Variants in PCDHGB7 observed in about 807,000 individuals in gnomAD.
PCDHGB7 encodes the protein protocadherin gamma-B7.
PCDHGB7 carries 37 observed loss-of-function variants against 61.4 expected under a neutral mutation model. The observed-to-expected ratio is 0.60, with a 90% CI of 0.46 to 0.79. PCDHGB7 has a LOEUF of 0.79. Among genes scored for constraint, PCDHGB7 ranks in the 30% least tolerant of loss-of-function variants. The probability of loss-of-function intolerance (pLI) is 0.00; values close to 1 mark genes in which losing one functional copy is unlikely to be tolerated. For synonymous variants in PCDHGB7, 464 were observed against 503.5 expected (o/e 0.92, Z 1.05); for missense variants, 1,166 against 1,202.5 (o/e 0.97, Z 0.45).
Position 141,487,568 on chromosome 5 carries a change from C to G in PCDHGB7, c.2416-7239C>G, listed in dbSNP as rs752378906. The G allele has an allele frequency of 1.9e-6, 3 of 1,614,180 alleles. No homozygotes were observed. Among genetic ancestry groups the G allele is most frequent in the Non-Finnish European group, 2.5e-6 (3 of 1,180,042 alleles). ...ACCCAGTGCACCTATGGCAGGGGAG[C>G]CTGTTCGCCCAAGCTGCCCACCCTC... On this transcript the variant is annotated intron_variant, in intron 1 of 3. Transcript: ENST00000398594. This position sits in a 1 kb window ranked among gnomAD's most constrained non-coding sequence, Gnocchi z 5.0.
At chr5:141,497,956 C>T (rs2099780659) in intron 2 of PCDHGB7, among the ~76,000 whole-genome samples, 1 of 152,214 alleles carries the variant, frequency 6.6e-6, no homozygotes, top group African/African-American at 2.4e-5. Flanking sequence ...TTCTGTTGGC[C>T]AGGCAGTGTT....
intron 2 of PCDHGB7, among the ~76,000 whole-genome samples, chr5:141,495,758 C>T (rs2099763543): frequency 6.6e-6 from 1 of 152,122 alleles, no homozygotes; most frequent in Non-Finnish European, 1.5e-5. Flanking sequence ...ATCTCTGCCT[C>T]CCTGTCCTTG....
rs375127524 is a variant in PCDHGB7, at chr5:141,490,702, C to G, written c.2416-4105C>G. ...AGATCCAGACACTGGGGATAATGCCCGCCTCACCTACTCCATTGTAGGAAA... is the reference window on the plus strand; with the variant it reads ...AGATCCAGACACTGGGGATAATGCCGGCCTCACCTACTCCATTGTAGGAAA... On this transcript the variant is annotated intron_variant, in intron 1 of 3. Coordinates refer to ENST00000398594, the MANE Select transcript of PCDHGB7 (RefSeq NM_018927.4). This position sits in a 1 kb window ranked among gnomAD's most constrained non-coding sequence, Gnocchi z 5.4. The G allele has an allele frequency of 1.2e-6, 2 of 1,614,060 alleles. No homozygotes were observed. Among genetic ancestry groups the G allele is most frequent in the Admixed American group, 1.7e-5 (1 of 60,008 alleles).
intron 1 of PCDHGB7, chr5:141,422,771 T>C (rs2096671394): frequency 6.2e-7 from 1 of 1,613,954 alleles, no homozygotes; most frequent in Non-Finnish European, 8.5e-7. Flanking sequence ...ACTGGTGTTC[T>C]CTATGCCCTA....
chr5:141,480,122 C>T (rs576224922), intron 1 of PCDHGB7, among the ~76,000 whole-genome samples: 1 of 151,948 alleles, frequency 6.6e-6, no homozygotes, highest in African/African-American at 2.4e-5. Flanking sequence ...CCTGGCATAT[C>T]ATAACTGTTA....
chr5:141,489,579 C>G lies in PCDHGB7; in HGVS notation c.2416-5228C>G, dbSNP rs112808093. 3.7e-6 allele frequency: 6 copies of G among 1,613,922 alleles called. No individual in the cohort carries two copies. The Admixed American group carries it at 5.0e-5, about 13-fold the overall frequency. On this transcript the variant is annotated intron_variant, in intron 1 of 3. Transcript: ENST00000398594. This position sits in a 1 kb window ranked among gnomAD's most constrained non-coding sequence, Gnocchi z 4.5. ...CAGTGCAGGTGGTGACTGAACACCC[C>G]CTGGAGCTAATCCGTGTAGAGGTAG... is the stretch of plus-strand genomic sequence containing the variant.
chr5:141,439,013 A>T lies in PCDHGB7; in HGVS notation c.2415+18739A>T, dbSNP rs2098082221. 1.3e-5 allele frequency among the ~76,000 whole-genome samples: 2 copies of T among 151,700 alleles called. 1 individual carries two copies. The highest frequency in any genetic ancestry group is 1.3e-4 in the Admixed American group (2 of 15,214). On this transcript the variant is annotated intron_variant, in intron 1 of 3. Transcript: ENST00000398594. ...GGCTAAGGACCTGGTTTGTTTGTCA[A>T]ATTTTGAAAATAGATGCCTCAGTTC...
chr5:141,474,417 C>A (rs1321402346), intron 1 of PCDHGB7, among the ~76,000 whole-genome samples: 1 of 152,222 alleles, frequency 6.6e-6, no homozygotes, highest in African/African-American at 2.4e-5. Context: ...GATGCCTAGA[C>A]CATTGGTCCT....
intron 1 of PCDHGB7, among the ~76,000 whole-genome samples, chr5:141,456,736 G>A (rs1339661302): frequency 1.3e-5 from 2 of 151,924 alleles, no homozygotes; most frequent in Non-Finnish European, 2.9e-5. Context: ...AGGCTGAGGC[G>A]GGAGCATCAT....
intron 1 of PCDHGB7, among the ~76,000 whole-genome samples, chr5:141,448,706 C>T (rs1344013319): frequency 1.3e-5 from 2 of 151,730 alleles, no homozygotes; most frequent in African/African-American, 2.4e-5. Flanking sequence ...TTTGGGAGGC[C>T]GAGGCGGGAG....
intron 1 of PCDHGB7, among the ~76,000 whole-genome samples, chr5:141,454,932 C>T (rs945154196): frequency 1.3e-5 from 2 of 150,768 alleles, no homozygotes; most frequent in African/African-American, 2.4e-5. Context: ...CTCAGCCTCC[C>T]GAGTAGCTGG....
chr5:141,426,848 C>A (rs1379697529), intron 1 of PCDHGB7: 1 of 456,670 alleles, frequency 2.2e-6, no homozygotes, highest in Non-Finnish European at 4.4e-6. Context: ...AAGGCAAGAA[C>A]GCTCCAGAAT....
intron 1 of PCDHGB7, chr5:141,421,587 G>A: frequency 1.2e-6 from 2 of 1,613,900 alleles, no homozygotes; most frequent in South Asian, 1.1e-5. Context: ...TTTACGGAGT[G>A]GAGGTGGAAA....
intron 1 of PCDHGB7, among the ~76,000 whole-genome samples, chr5:141,492,745 C>G (rs2099743569): frequency 6.6e-6 from 1 of 152,262 alleles, no homozygotes; most frequent in Non-Finnish European, 1.5e-5. Flanking sequence ...GTGGCCGAGG[C>G]GCGGCAGGGC....
chr5:141,429,204 A>ACACACACG, intron 1 of PCDHGB7: 1 of 150,162 alleles, frequency 6.7e-6, no homozygotes, highest in Non-Finnish European at 1.5e-5. Context: ...ACACACACAC[A>ACACACACG]CGTGTGAAAA....
At chr5:141,445,109 T>C (rs571834974) in intron 1 of PCDHGB7, among the ~76,000 whole-genome samples, 23 of 152,246 alleles carry the variant, frequency 1.5e-4, no homozygotes, top group Non-Finnish European at 2.8e-4. Flanking sequence ...TCTAATGTTA[T>C]TGTAAATAGT....
chr5:141,456,984 C>G (rs374156327), intron 1 of PCDHGB7, among the ~76,000 whole-genome samples: 1 of 152,200 alleles, frequency 6.6e-6, no homozygotes, highest in East Asian at 1.9e-4. Flanking sequence ...AACAAACAAA[C>G]AAACAAAAAC....
At chr5:141,423,471 G>A in intron 1 of PCDHGB7, 1 of 1,614,052 alleles carries the variant, frequency 6.2e-7, no homozygotes, top group South Asian at 1.1e-5. Context: ...ACGGGGTACA[G>A]GCTTTCCTGC....
At chr5:141,433,070 CCCCAG>C in intron 1 of PCDHGB7, 1 of 1,614,174 alleles carries the variant, frequency 6.2e-7, no homozygotes, top group Non-Finnish European at 8.5e-7. Context: ...CCTGATCTTC[CCCCAG>C]CCCAACTATG....
Sources: gnomAD v4.1 joint callset for allele counts (sites outside exome capture counted in the v4.1 genomes callset) on GRCh38, gnomAD v4.1.1 for gene constraint, Gnocchi (gnomAD v3.1) non-coding constraint, MANE v1.5 for transcripts, NCBI Gene and HGNC (gene_info 2026-07-23, HGNC 2026-07-21) for gene names.